Variants in CLASRP observed in about 807,000 individuals in gnomAD.
CLASRP encodes the protein CLK4 associating serine/arginine rich protein.
A neutral mutation model predicts 99.9 loss-of-function variants in CLASRP; 52 were observed. That is an observed-to-expected ratio of 0.52 (90% CI 0.42 to 0.66). The LOEUF (loss-of-function observed/expected upper bound fraction) is 0.66, where lower values mean the gene tolerates loss of function less well. Among genes scored for constraint, CLASRP ranks in the 30% least tolerant of loss-of-function variants. CLASRP has a pLI of 0.00. For missense variants in CLASRP, 848 were observed against 999.2 expected (o/e 0.85, Z 2.04); for synonymous variants, 379 against 373.0 (o/e 1.02, Z -0.18).
chr19:45,039,798 G>T, intron 1 of CLASRP: 1 of 169,092 alleles, frequency 5.9e-6, no homozygotes, highest in Non-Finnish European at 1.3e-5. Flanking sequence ...ATGGCCCCTA[G>T]TGGGAGCCTT....
chr19:45,060,658 T>A lies in CLASRP; in HGVS notation c.863+31T>A, dbSNP rs951982407. 41 of 1,519,938 alleles carry A rather than the reference T, an allele frequency of 2.7e-5. No homozygotes were observed. The highest frequency in any genetic ancestry group is 3.5e-5 in the Non-Finnish European group (39 of 1,124,096). The allele number at this position is 1,519,938 out of a possible 1,614,324, so 94.2% of individuals were successfully genotyped here. On this transcript the variant is annotated intron_variant, in intron 10 of 20. Coordinates refer to ENST00000221455, the MANE Select transcript of CLASRP (RefSeq NM_007056.3). The surrounding 1 kb of genome is among the most constrained non-coding windows in gnomAD (Gnocchi z 4.6). ...GCTTCTCCCTGAACCCCCACCCTGC[T>A]GGCATCTGGGGGAGGAGAGCAGGGG...
intron 7 of CLASRP, 122 bp downstream of exon 7, chr19:45,058,020 A>G (rs1972154480): frequency 1.6e-6 from 2 of 1,250,876 alleles, no homozygotes; most frequent in South Asian, 2.8e-5. Context: ...ACCCCGCCCC[A>G]GGGCACACCA....
chr19:45,044,237 G>A (rs529684065), intron 2 of CLASRP, among the ~76,000 whole-genome samples: 1 of 152,208 alleles, frequency 6.6e-6, no homozygotes, highest in African/African-American at 2.4e-5. Flanking sequence ...CACCAGCTTG[G>A]CATAGTAGTC....
In CLASRP at chr19:45,064,504, G is replaced by C; in HGVS notation, c.1283G>C (p.Arg428Pro). Reference sequence around the variant, plus strand: ...CGCTCCTGGTCCCGCTCCCGCTCCCGCTCCCGGCGCTATTCCCGGTCCCGT... The same window carrying C: ...CGCTCCTGGTCCCGCTCCCGCTCCCCCTCCCGGCGCTATTCCCGGTCCCGT... ...RSRSWSRSRSRSRRYSRSRSR... is the reference protein window; with the variant it reads ...RSRSWSRSRSPSRRYSRSRSR... The change falls in exon 13 of 21, where the codon CGC becomes CCC. Residue 428 changes from arginine (R) to proline (P), a missense_variant. Transcript: ENST00000221455. The C allele has an allele frequency of 6.5e-7, 1 of 1,536,776 alleles. No individual in the cohort carries two copies. Among genetic ancestry groups the C allele is most frequent in the Non-Finnish European group, 8.7e-7 (1 of 1,146,048 alleles).
intron 7 of CLASRP, among the ~76,000 whole-genome samples, chr19:45,058,470 C>T (rs1013940186): frequency 6.6e-6 from 1 of 152,158 alleles, no homozygotes; most frequent in African/African-American, 2.4e-5. Context: ...ACTGCAACCT[C>T]CACCTCCTGG....
chr19:45,065,542 C>T (rs1967066747), intron 13 of CLASRP, among the ~76,000 whole-genome samples: 1 of 147,874 alleles, frequency 6.8e-6, no homozygotes, highest in Non-Finnish European at 1.5e-5. Context: ...GCTTGGGCTA[C>T]AGAGTGAGAC....
At chr19:45,044,305 G>A (rs767042054) in intron 2 of CLASRP, among the ~76,000 whole-genome samples, 10 of 152,346 alleles carry the variant, frequency 6.6e-5, no homozygotes, top group African/African-American at 2.2e-4. Flanking sequence ...GTGATGCCAC[G>A]ATAACAGCTA....
Position 45,052,179 on chromosome 19 carries a change from T to C in CLASRP, c.197+11T>C. The C allele has an allele frequency of 6.2e-7, 1 of 1,610,766 alleles. No homozygotes were observed. The highest frequency in any genetic ancestry group is 1.1e-5 in the South Asian group (1 of 91,034). ...GAGCCCTGTTAATATGTAAGACTGA[T>C]ATGGAAGGCAGGGGAGTGTCTGAAG... On this transcript the variant is annotated intron_variant, in intron 3 of 20. Transcript: ENST00000221455.
rs117912158 is a variant in CLASRP, at chr19:45,056,541, C to T, written c.464+7C>T. On this transcript the variant is annotated splice_region_variant and intron_variant, in intron 6 of 20. Transcript: ENST00000221455. Reference sequence around the variant, plus strand: ...GCGAAGATGAGAAGAAGAAGTGAGTCGGGGTCTGGGGTGCAGGGGGTTGAG... The same window carrying T: ...GCGAAGATGAGAAGAAGAAGTGAGTTGGGGTCTGGGGTGCAGGGGGTTGAG... 7.5e-3 allele frequency: 12,118 copies of T among 1,612,424 alleles called. 104 individuals carry two copies. Among genetic ancestry groups the T allele is most frequent in the South Asian group, 0.034 (3,130 of 90,992 alleles).
chr19:45,057,170 C>G (rs577828037), intron 6 of CLASRP, among the ~76,000 whole-genome samples: 1 of 152,184 alleles, frequency 6.6e-6, no homozygotes, highest in Non-Finnish European at 1.5e-5. Context: ...AGCTCTCCTC[C>G]AGGCCAGCTG....
rs73941106 is a variant in CLASRP at position 45,053,191 on chromosome 19, G to T, written c.379+14G>T. The stretch of plus-strand genomic sequence containing the variant: ...ACTTTGCCGGCAGTGAGTGATCTGT[G>T]GGGGGACGTGGGGTGTGGGGTTTGA... On this transcript the variant is annotated intron_variant, in intron 5 of 20. Coordinates refer to ENST00000221455, the MANE Select transcript of CLASRP (RefSeq NM_007056.3). 3.2e-3 allele frequency: 5,102 copies of T among 1,613,200 alleles called. 137 individuals are homozygous for T. The African/African-American group carries it at 0.056, about 18-fold the overall frequency.
At position 45,067,813 on chromosome 19, in the gene CLASRP, C is replaced by G. The variant is rs549514357; in HGVS notation, c.1668-202C>G. Among the ~76,000 whole-genome samples the G allele has an allele frequency of 6.6e-6, 1 of 152,254 alleles. No individual in the cohort carries two copies. Among genetic ancestry groups the G allele is most frequent in the East Asian group, 1.9e-4 (1 of 5,180 alleles). Reference sequence around the variant, plus strand: ...CCTGGAGGATCTGCACAATTAGAACCTTGTCCTGGGTGAGGGTCAGAGGGG... The same window carrying G: ...CCTGGAGGATCTGCACAATTAGAACGTTGTCCTGGGTGAGGGTCAGAGGGG... On this transcript the variant is annotated intron_variant, in intron 14 of 20. Transcript: ENST00000221455. This position sits in a 1 kb window ranked among gnomAD's most constrained non-coding sequence, Gnocchi z 4.9.
intron 5 of CLASRP, among the ~76,000 whole-genome samples, chr19:45,055,333 A>G (rs1336464204): frequency 6.6e-6 from 1 of 152,208 alleles, no homozygotes; most frequent in Non-Finnish European, 1.5e-5. Context: ...TGTGTCAGCC[A>G]GGACTGTGAG....
rs1437390361 is a variant in CLASRP, at chr19:45,060,756, A to G, written c.863+129A>G. ...AGGAGTCTTTCTAGTGGGGCGATGC[A>G]TGGCCATCGTGAAGGTTTAGAGGTA... On this transcript the variant is annotated intron_variant, in intron 10 of 20. Transcript: ENST00000221455. This position sits in a 1 kb window ranked among gnomAD's most constrained non-coding sequence, Gnocchi z 4.6. 2 of 726,690 alleles carry G rather than the reference A, an allele frequency of 2.8e-6. No homozygotes were observed. The highest frequency in any genetic ancestry group is 5.4e-5 in the East Asian group (2 of 36,772). The allele number at this position is 726,690 out of a possible 1,614,324, so 45.0% of individuals were successfully genotyped here. A position where few individuals can be genotyped will look rare whatever the true frequency, so the allele number is the denominator to read the frequency against.
chr19:45,064,330 G>T lies in CLASRP; in HGVS notation c.1122-13G>T, dbSNP rs771018001. The T allele has an allele frequency of 3.2e-5, 48 of 1,520,290 alleles. No individual in the cohort carries two copies. The highest frequency in any genetic ancestry group is 3.7e-4 in the Middle Eastern group (2 of 5,444). 94.2% of individuals were successfully genotyped at this position (1,520,290 alleles called of 1,614,324 possible). A position where few individuals can be genotyped will look rare whatever the true frequency, so the allele number is the denominator to read the frequency against. ...AGGCCTGCGCTGACCGGCCCTCCGT[G>T]CCCCGCCTGCAGCCGCCGCTCCTCC... On this transcript the variant is annotated splice_polypyrimidine_tract_variant and intron_variant, in intron 12 of 20. Coordinates refer to ENST00000221455, the MANE Select transcript of CLASRP (RefSeq NM_007056.3).
Position 45,067,925 on chromosome 19 carries a change from T to C in CLASRP, c.1668-90T>C. The C allele has an allele frequency of 1.0e-6, 1 of 983,818 alleles. No individual in the cohort carries two copies. Among genetic ancestry groups the C allele is most frequent in the Non-Finnish European group, 1.6e-6 (1 of 609,334 alleles). 60.9% of individuals were successfully genotyped at this position (983,818 alleles called of 1,614,324 possible). ...ATCTGAGGCCCATGCCTTGGCTACC[T>C]GGTCTGAGGGCAGTGCTGAGGCTGG... On this transcript the variant is annotated intron_variant, in intron 14 of 20. Transcript: ENST00000221455. This position sits in a 1 kb window ranked among gnomAD's most constrained non-coding sequence, Gnocchi z 4.9.
intron 4 of CLASRP, 53 bp downstream of exon 4, chr19:45,052,945 T>G: frequency 6.4e-7 from 1 of 1,552,674 alleles, no homozygotes; most frequent in East Asian, 2.3e-5. Context: ...CAGGAGCCCC[T>G]GTTCTTTTCC....
rs35242164 is a variant in CLASRP at position 45,039,860 on chromosome 19, C to T, written c.-29-324C>T. ...CCAGCCTTAAGTGCTCAGGGTTTGC[C>T]TTCTGACCCTACTTCAAACACTGCT... On this transcript the variant is annotated intron_variant, in intron 1 of 20. Coordinates refer to ENST00000221455, the MANE Select transcript of CLASRP (RefSeq NM_007056.3). 1,204 of 195,988 alleles carry T rather than the reference C, an allele frequency of 6.1e-3. 15 individuals carry two copies. The highest frequency in any genetic ancestry group is 0.026 in the African/African-American group (1,124 of 43,240). 12.1% of individuals were successfully genotyped at this position (195,988 alleles called of 1,614,324 possible).
rs753360345 is a variant in CLASRP, at chr19:45,064,262, G to A, written c.1121+35G>A. Reference sequence around the variant, plus strand: ...GCTCACGCCGCCCGCCCTACGCCCCGGTCACCATGGGGGGTACCCGGGGCA... The same window carrying A: ...GCTCACGCCGCCCGCCCTACGCCCCAGTCACCATGGGGGGTACCCGGGGCA... On this transcript the variant is annotated intron_variant, in intron 12 of 20. Coordinates refer to ENST00000221455, the MANE Select transcript of CLASRP (RefSeq NM_007056.3). The A allele has an allele frequency of 3.9e-6, 6 of 1,543,524 alleles. No homozygotes were observed. In the East Asian group the frequency reaches 7.1e-5, roughly 18 times the overall value.
Sources: allele counts gnomAD v4.1 joint callset (sites outside exome capture counted in the v4.1 genomes callset), GRCh38; gene constraint gnomAD v4.1.1; non-coding constraint Gnocchi (gnomAD v3.1); transcripts MANE v1.5; gene names NCBI Gene and HGNC (gene_info 2026-07-23, HGNC 2026-07-21).